CNBD1: variants seen among roughly 807,000 people sequenced by gnomAD.
CNBD1 encodes cyclic nucleotide binding domain containing 1, also known as cyclic nucleotide-binding domain-containing protein 1.
In CNBD1, 71 loss-of-function variants were observed where a neutral mutation model predicts 54.4. The ratio of observed to expected loss-of-function variants is 1.30; its 90% CI spans 1.08 to 1.59. The LOEUF (loss-of-function observed/expected upper bound fraction) is 1.59, where lower values mean the gene tolerates loss of function less well. CNBD1 is among the 40% of genes most tolerant of loss of function. CNBD1 has a pLI of 0.00. For synonymous variants in CNBD1, 182 were observed against 170.7 expected, an observed-to-expected ratio of 1.07 and a Z score of -0.51; for missense variants, 659 against 518.0, an observed-to-expected ratio of 1.27 and a Z score of -2.64.
At chr8:87,378,648 G>T (rs1402768074) in intron 10 of CNBD1, among the ~76,000 whole-genome samples, 1 of 149,302 alleles carries the variant, frequency 6.7e-6, no homozygotes, top group Non-Finnish European at 1.5e-5. Flanking sequence ...CTCTTTTTTG[G>T]TTCCATATGA....
chr8:87,229,843 A>G (rs1267074676), intron 5 of CNBD1, among the ~76,000 whole-genome samples: 3 of 152,240 alleles, frequency 2.0e-5, no homozygotes, highest in Non-Finnish European at 4.4e-5. Context: ...ATTTATGAAT[A>G]TGCCAACTAT....
intron 4 of CNBD1, among the ~76,000 whole-genome samples, chr8:87,056,474 G>C (rs1206136691): frequency 6.6e-6 from 1 of 152,176 alleles, no homozygotes; most frequent in African/African-American, 2.4e-5. Flanking sequence ...GTTTACTAAA[G>C]CTGTTAGAAT....
chr8:87,063,705 T>C (rs1055868022), intron 4 of CNBD1, among the ~76,000 whole-genome samples: 2 of 152,006 alleles, frequency 1.3e-5, no homozygotes, highest in African/African-American at 4.8e-5. Flanking sequence ...TTGAGGAAAA[T>C]TGACATATTT....
chr8:87,128,914 T>C, intron 4 of CNBD1, among the ~76,000 whole-genome samples: 1 of 137,158 alleles, frequency 7.3e-6, no homozygotes. Flanking sequence ...AAACCCCGTC[T>C]CCACTTAAAA....
intron 4 of CNBD1, among the ~76,000 whole-genome samples, chr8:87,173,276 T>C (rs1190145502): frequency 1.3e-5 from 2 of 152,204 alleles, no homozygotes; most frequent in Non-Finnish European, 2.9e-5. Context: ...TTTGATTGGT[T>C]CATTATTTGG....
intron 4 of CNBD1, among the ~76,000 whole-genome samples, chr8:87,087,292 T>TA (rs1480802189): frequency 2.0e-4 from 30 of 146,772 alleles, no homozygotes; most frequent in Middle Eastern, 3.6e-3. Context: ...TATATATATA[T>TA]TTTTTATTGC....
intron 2 of CNBD1, among the ~76,000 whole-genome samples, chr8:87,404,324 T>C (rs536819932): frequency 1.4e-4 from 22 of 152,208 alleles, no homozygotes; most frequent in African/African-American, 5.3e-4. Context: ...GGTCATCACT[T>C]TTCATCATTG....
intron 4 of CNBD1, among the ~76,000 whole-genome samples, chr8:87,057,954 A>T (rs1183140172): frequency 6.6e-6 from 1 of 152,166 alleles, no homozygotes; most frequent in Non-Finnish European, 1.5e-5. Context: ...CCAAGTTCAA[A>T]GTGTCATTTA....
At chr8:87,327,397 C>G (rs1488649050) in intron 8 of CNBD1, among the ~76,000 whole-genome samples, 3 of 151,884 alleles carry the variant, frequency 2.0e-5, no homozygotes, top group African/African-American at 7.3e-5. Context: ...GCGCCCCTCC[C>G]CCACCCTCGC....
At chr8:87,053,412 A>G (rs1454975080) in intron 4 of CNBD1, among the ~76,000 whole-genome samples, 1 of 152,202 alleles carries the variant, frequency 6.6e-6, no homozygotes, top group Non-Finnish European at 1.5e-5. Context: ...CTCTGGCTGT[A>G]CTTGAGAGGA....
chr8:87,309,167 A>C (rs1485313577), intron 8 of CNBD1, among the ~76,000 whole-genome samples: 2 of 152,132 alleles, frequency 1.3e-5, no homozygotes, highest in Admixed American at 1.3e-4. Flanking sequence ...ACCTCCATAC[A>C]TTTTTAAATA....
At chr8:87,270,438 G>T (rs1808338591) in intron 6 of CNBD1, among the ~76,000 whole-genome samples, 1 of 151,850 alleles carries the variant, frequency 6.6e-6, no homozygotes, top group African/African-American at 2.4e-5. Context: ...AGTCAGAATA[G>T]CTATTATTAA....
intron 4 of CNBD1, among the ~76,000 whole-genome samples, chr8:87,106,372 C>T (rs549603878): frequency 6.6e-6 from 1 of 151,958 alleles, no homozygotes. Flanking sequence ...CCACCATGCC[C>T]AGCTAATTTT....
intron 2 of CNBD1, among the ~76,000 whole-genome samples, chr8:87,425,113 C>T (rs1025313108): frequency 4.7e-4 from 72 of 152,054 alleles, no homozygotes; most frequent in Non-Finnish European, 5.9e-4. Flanking sequence ...TTGATCGCAT[C>T]GGCTCCTGAG....
At position 86,958,767 on chromosome 8, in the gene CNBD1, C is replaced by G. The variant is rs1406512518; in HGVS notation, c.431+19013C>G. ...TCCTGAATACAGCACACTGATAGGT[C>G]TTGACTCTTTATCCAATTTGTCAGT... On this transcript the variant is annotated intron_variant, in intron 4 of 10. Transcript: ENST00000518476. 3.3e-5 allele frequency among the ~76,000 whole-genome samples: 5 copies of G among 152,128 alleles called. No homozygotes were observed. In the East Asian group the frequency reaches 9.6e-4, roughly 29 times the overall value.
intron 10 of CNBD1, among the ~76,000 whole-genome samples, chr8:87,374,130 G>T (rs1441236527): frequency 5.9e-5 from 9 of 151,792 alleles, no homozygotes; most frequent in Non-Finnish European, 4.4e-5. Flanking sequence ...TCAGAATGTA[G>T]GCAATAATGT....
At position 87,273,535 on chromosome 8, in the gene CNBD1, C is replaced by A. The variant is rs573162204; in HGVS notation, c.772-11143C>A. Among the ~76,000 whole-genome samples, 9 of 152,044 alleles carry A rather than the reference C, an allele frequency of 5.9e-5. No individual in the cohort carries two copies. In the South Asian group the frequency reaches 1.7e-3, roughly 28 times the overall value. On this transcript the variant is annotated intron_variant, in intron 6 of 10. Transcript: ENST00000518476. ...TTGAGATTCAATTCATGGTTATCAG[C>A]CAAACTGTGCTCTTGGACTAATAGG...
chr8:86,894,489 A>C (rs534943461), intron 2 of CNBD1, among the ~76,000 whole-genome samples: 1 of 152,288 alleles, frequency 6.6e-6, no homozygotes, highest in East Asian at 1.9e-4. Flanking sequence ...CATGGTATAT[A>C]TGTTGCAATT....
intron 8 of CNBD1, among the ~76,000 whole-genome samples, chr8:87,343,775 T>G (rs1810115454): frequency 6.6e-6 from 1 of 152,174 alleles, no homozygotes; most frequent in Admixed American, 6.5e-5. Flanking sequence ...TTTTCATAAT[T>G]TAATCATTTA....
Sources: gnomAD v4.1 joint callset for allele counts (sites outside exome capture counted in the v4.1 genomes callset) on GRCh38, gnomAD v4.1.1 for gene constraint, MANE v1.5 for transcripts, NCBI Gene and HGNC (gene_info 2026-07-23, HGNC 2026-07-21) for gene names.